DOCK6: variants seen among roughly 807,000 people sequenced by gnomAD.
DOCK6 encodes dedicator of cytokinesis 6, also known as dedicator of cytokinesis protein 6.
Under a neutral mutation model 230.3 loss-of-function variants are expected in DOCK6, and 167 were observed. The observed-to-expected ratio is 0.73, with a 90% CI of 0.64 to 0.82. The LOEUF (loss-of-function observed/expected upper bound fraction) is 0.82. Ranked by LOEUF, DOCK6 falls within the 40% of genes least tolerant of loss-of-function variation. DOCK6 has a pLI of 0.00. For synonymous variants in DOCK6, 1,148 were observed against 1,185.0 expected (o/e 0.97, Z 0.64); for missense variants, 2,598 against 2,825.8 (o/e 0.92, Z 1.83).
intron 13 of DOCK6, among the ~76,000 whole-genome samples, chr19:11,242,525 G>A (rs2079963953): frequency 6.6e-6 from 1 of 152,054 alleles, no homozygotes; most frequent in Non-Finnish European, 1.5e-5. Flanking sequence ...CCAGGTAGCT[G>A]GGATTACAGG....
In DOCK6 at chr19:11,214,389, G is replaced by A. The variant is rs746041503; in HGVS notation, c.4224C>T (p.Ala1408=). The change falls in exon 34 of 48, where the codon GCC becomes GCT. Residue 1408 remains alanine (A), a synonymous_variant. Coordinates refer to ENST00000294618, the MANE Select transcript of DOCK6 (RefSeq NM_020812.4). ...IIVQTVMLSE[A]RESVLGAVLK... ...GCACTGCCCCCAAGACGCTCTCCCG[G>A]GCTTCTGAAAGCATCACCGTCTGGA... 8.1e-6 allele frequency: 13 copies of A among 1,613,582 alleles called. No individual in the cohort carries two copies. Among genetic ancestry groups the A allele is most frequent in the Non-Finnish European group, 8.5e-6 (10 of 1,179,822 alleles).
At chr19:11,244,343 C>T (rs974662077) in intron 9 of DOCK6, among the ~76,000 whole-genome samples, 1 of 147,320 alleles carries the variant, frequency 6.8e-6, no homozygotes, top group Non-Finnish European at 1.5e-5. Context: ...GGCTGAAGTG[C>T]GTGATGGGAT....
In DOCK6 at chr19:11,223,115, A is replaced by G. The variant is rs370533660; in HGVS notation, c.2956-9T>C. Reference sequence around the variant, plus strand: ...TCGGCCAGCTCCACATCCTGGGGACACAGGTGCCTGTCAACCCACACACCC... The same window carrying G: ...TCGGCCAGCTCCACATCCTGGGGACGCAGGTGCCTGTCAACCCACACACCC... On this transcript the variant is annotated splice_polypyrimidine_tract_variant and intron_variant, in intron 24 of 47. Coordinates refer to ENST00000294618, the MANE Select transcript of DOCK6 (RefSeq NM_020812.4). 24 of 1,610,928 alleles carry G rather than the reference A, an allele frequency of 1.5e-5. No homozygotes were observed. Among genetic ancestry groups the G allele is most frequent in the Non-Finnish European group, 1.9e-5 (22 of 1,178,132 alleles).
Position 11,236,368 on chromosome 19 carries a change from G to A in DOCK6, c.2370C>T (p.Pro790=), listed in dbSNP as rs892587960. The A allele has an allele frequency of 6.4e-7, 1 of 1,567,976 alleles. No homozygotes were observed. Among genetic ancestry groups the A allele is most frequent in the Non-Finnish European group, 8.7e-7 (1 of 1,155,502 alleles). Residue 790 remains proline, a synonymous_variant, in exon 20 of 48, where the codon CCC becomes CCT. Transcript: ENST00000294618. This position sits in a 1 kb window ranked among gnomAD's most constrained non-coding sequence, Gnocchi z 5.2. ...LDKLVRLVIR[P]PIISGQIVNL... ...TACCAATCTGGCCACTGATGATCGGGGGCCTGATGACCAGACGCACGAGCT... is the reference window on the plus strand; with the variant it reads ...TACCAATCTGGCCACTGATGATCGGAGGCCTGATGACCAGACGCACGAGCT...
chr19:11,208,585 CCTTCTTT>C, intron 39 of DOCK6, 94 bp downstream of exon 39: 1 of 1,485,814 alleles, frequency 6.7e-7, no homozygotes. Flanking sequence ...AGCCTATTCT[CCTTCTTT>C]CTAAATCCCC....
At position 11,200,065 on chromosome 19, in the gene DOCK6, G is replaced by A. The variant is rs929590072; in HGVS notation, c.6101+243C>T. ...CTCAGGAGGCTGAGGCAGGAGACTC[G>A]CTTGAATCTGGGAGGCGGAGGTTGC... On this transcript the variant is annotated intron_variant, in intron 47 of 47. Coordinates refer to ENST00000294618, the MANE Select transcript of DOCK6 (RefSeq NM_020812.4). The surrounding 1 kb of genome is among the most constrained non-coding windows in gnomAD (Gnocchi z 4.3). 2.0e-5 allele frequency among the ~76,000 whole-genome samples: 3 copies of A among 151,296 alleles called. No individual in the cohort carries two copies. The highest frequency in any genetic ancestry group is 6.6e-5 in the Admixed American group (1 of 15,122).
Position 11,238,037 on chromosome 19 carries a change from C to T in DOCK6, c.1832+8G>A, listed in dbSNP as rs369836271. ...GCCCCCAAGTTCCTCACGTGTCCCC[C>T]TACATACTTGTTATGGTAGACCACC... On this transcript the variant is annotated splice_region_variant and intron_variant, in intron 16 of 47. Coordinates refer to ENST00000294618, the MANE Select transcript of DOCK6 (RefSeq NM_020812.4). 6.2e-7 allele frequency: 1 copy of T among 1,613,840 alleles called. No individual in the cohort carries two copies. Among genetic ancestry groups the T allele is most frequent in the Non-Finnish European group, 8.5e-7 (1 of 1,179,824 alleles).
rs775176428 is a variant in DOCK6, at chr19:11,204,315, G to T, written c.5105C>A (p.Ala1702Glu). The T allele has an allele frequency of 8.7e-6, 14 of 1,611,456 alleles. No homozygotes were observed. Among genetic ancestry groups the T allele is most frequent in the Non-Finnish European group, 6.8e-6 (8 of 1,178,930 alleles). The change falls in exon 40 of 48, where the codon GCG becomes GAG. Residue 1702 changes from alanine (A) to glutamate (E), a missense_variant. Physicochemically the swap from Ala to Glu is moderately radical, Grantham distance 107 (BLOSUM62 -1). Coordinates refer to ENST00000294618, the MANE Select transcript of DOCK6 (RefSeq NM_020812.4). ...GAGGTTCTTGTAGACCTCATTCACC[G>T]CCTCGTAGAGCCCGCCCTGAGGGTG... ...GYFTMGGLYEAVNEVYKNLIP... is the reference protein window; with the variant it reads ...GYFTMGGLYEEVNEVYKNLIP...
At position 11,214,264 on chromosome 19, in the gene DOCK6, G is replaced by C. The variant is rs542270676; in HGVS notation, c.4338+11C>G. 6.2e-7 allele frequency: 1 copy of C among 1,601,364 alleles called. No homozygotes were observed. The highest frequency in any genetic ancestry group is 1.7e-5 in the Admixed American group (1 of 57,274). On this transcript the variant is annotated intron_variant, in intron 34 of 47. Coordinates refer to ENST00000294618, the MANE Select transcript of DOCK6 (RefSeq NM_020812.4). ...TTTTTCTAAGAATCATGGTTGTTGA[G>C]TGGTGCTCACCTTGGACACAAGGGC... is the stretch of plus-strand genomic sequence containing the variant.
intron 22 of DOCK6, among the ~76,000 whole-genome samples, chr19:11,229,985 G>A (rs1187517076): frequency 4.7e-5 from 7 of 150,114 alleles, no homozygotes; most frequent in Non-Finnish European, 8.9e-5. Context: ...TGGAGGTTGC[G>A]GTGAGCTGTG....
At chr19:11,211,591 G>GCTCACCTGTCCCC (rs1211096247) in intron 37 of DOCK6, among the ~76,000 whole-genome samples, 185 bp downstream of exon 37, 41 of 25,782 alleles carry the variant, frequency 1.6e-3, no homozygotes, top group Non-Finnish European at 4.1e-4. Flanking sequence ...TCAGCTGTCT[G>GCTCACCTGTCCCC]CTCACCTGTC....
Position 11,236,453 on chromosome 19 carries a change from G to A in DOCK6, c.2285C>T (p.Ala762Val). ...TTCGGGGCTGGCCAGGCGCAGTGCT[G>A]CAAGACTGGCCCGCAGCTCCTGCTC... ...NVEQELRASL[A>V]ALRLASPEPL... Residue 762 changes from alanine (A) to valine (V), a missense_variant, in exon 20 of 48, where the codon GCA (alanine) becomes GTA (valine). Physicochemically the swap from Ala to Val is moderately conservative, Grantham distance 64. Coordinates refer to ENST00000294618, the MANE Select transcript of DOCK6 (RefSeq NM_020812.4). This position sits in a 1 kb window ranked among gnomAD's most constrained non-coding sequence, Gnocchi z 5.2. 2 of 1,592,816 alleles carry A rather than the reference G, an allele frequency of 1.3e-6. No homozygotes were observed. Among genetic ancestry groups the A allele is most frequent in the Non-Finnish European group, 1.7e-6 (2 of 1,170,496 alleles).
At chr19:11,210,137 A>C (rs2079351144) in intron 37 of DOCK6, among the ~76,000 whole-genome samples, 4 of 93,634 alleles carry the variant, frequency 4.3e-5, no homozygotes, top group African/African-American at 4.4e-5. Flanking sequence ...TTACCTGTCC[A>C]CTCTCTCACC....
chr19:11,213,199 G>A lies in DOCK6; in HGVS notation c.4468C>T (p.Arg1490Ter). 4.3e-6 allele frequency: 7 copies of A among 1,612,736 alleles called. No individual in the cohort carries two copies. Among genetic ancestry groups the A allele is most frequent in the Non-Finnish European group, 5.9e-6 (7 of 1,179,566 alleles). ...HASASLYLLM[R>*]QNFEIGHNFA... ...ACGTGGCCGATCTCGAAGTTCTGTCGCATGAGCAGGTACAGCGAGGCGCTG... is the reference window on the plus strand; with the variant it reads ...ACGTGGCCGATCTCGAAGTTCTGTCACATGAGCAGGTACAGCGAGGCGCTG... Residue 1490 changes from arginine (R) to a stop codon, truncating the protein, a stop_gained, in exon 35 of 48, where the codon CGA (arginine) becomes TGA (stop). Transcript: ENST00000294618. LOFTEE classifies it high-confidence loss of function.
At chr19:11,220,822 A>ATTT (rs372764985) in intron 28 of DOCK6, among the ~76,000 whole-genome samples, 206 of 139,796 alleles carry the variant, frequency 1.5e-3, no homozygotes, top group African/African-American at 5.0e-3. Flanking sequence ...TAATATCTGA[A>ATTT]TTTTTTTTTT....
intron 21 of DOCK6, among the ~76,000 whole-genome samples, chr19:11,234,717 A>G (rs1599253052): frequency 6.6e-6 from 1 of 152,304 alleles, no homozygotes; most frequent in African/African-American, 2.4e-5. Flanking sequence ...ATTCACATCT[A>G]GGCAGCTCAG....
chr19:11,227,562 T>G, intron 23 of DOCK6, 85 bp from the exon 24 acceptor site: 2 of 1,438,548 alleles, frequency 1.4e-6, no homozygotes, highest in Non-Finnish European at 9.2e-7. Context: ...CTTGAAGGGC[T>G]GTGGGTGGGG....
In DOCK6 at chr19:11,199,347, C is replaced by G; in HGVS notation, c.*150G>C. On this transcript the variant is annotated 3_prime_UTR_variant, in exon 48 of 48. Transcript: ENST00000294618. ...AAAAGGGAGGAAGCATCAGTGCACA[C>G]AGATGGGGACACAGGGGCAGAGGGC... 1 of 934,728 alleles carries G rather than the reference C, an allele frequency of 1.1e-6. No homozygotes were observed. The highest frequency in any genetic ancestry group is 1.5e-5 in the South Asian group (1 of 66,886). 57.9% of individuals were successfully genotyped at this position (934,728 alleles called of 1,614,324 possible). A position where few individuals can be genotyped will look rare whatever the true frequency, so the allele number is the denominator to read the frequency against.
At chr19:11,256,128 G>T (rs2080193929) in intron 1 of DOCK6, among the ~76,000 whole-genome samples, 1 of 152,182 alleles carries the variant, frequency 6.6e-6, no homozygotes. Context: ...TGCTTCTACT[G>T]ACTGGGGGGG....
Sources: allele counts gnomAD v4.1 joint callset (sites outside exome capture counted in the v4.1 genomes callset), GRCh38; gene constraint gnomAD v4.1.1; non-coding constraint Gnocchi (gnomAD v3.1); transcripts MANE v1.5; gene names NCBI Gene and HGNC (gene_info 2026-07-23, HGNC 2026-07-21).